The following ZNF317 variants were observed in gnomAD, a reference collection of about 807,000 sequenced individuals.
The protein encoded by ZNF317 is zinc finger protein 317.
A neutral mutation model predicts 23.4 loss-of-function variants in ZNF317; 17 were observed. That is an observed-to-expected ratio of 0.73 (90% CI 0.50 to 1.09). The LOEUF is 1.09. Ranked by LOEUF, ZNF317 falls within the 50% of genes least tolerant of loss-of-function variation. The probability of loss-of-function intolerance (pLI) is 0.00; values close to 1 mark genes in which losing one functional copy is unlikely to be tolerated. For missense variants in ZNF317, 679 were observed against 796.7 expected, an observed-to-expected ratio of 0.85 and a Z score of 1.78; for synonymous variants, 317 against 314.9, an observed-to-expected ratio of 1.01 and a Z score of -0.07.
intron 2 of ZNF317, 96 bp from the exon 3 acceptor site, chr19:9,156,516 A>G: frequency 1.4e-6 from 2 of 1,459,092 alleles, no homozygotes; most frequent in Non-Finnish European, 9.2e-7. Flanking sequence ...GGATGTGAAC[A>G]CTCAGAATCA....
chr19:9,157,332 C>A lies in ZNF317; in HGVS notation c.227C>A (p.Ser76Tyr). 3.1e-6 allele frequency: 5 copies of A among 1,614,014 alleles called. No homozygotes were observed. Among genetic ancestry groups the A allele is most frequent in the South Asian group, 1.1e-5 (1 of 91,050 alleles). Reference sequence around the variant, plus strand: ...GAGAAGGAGTGGCCCTTGCTGGATTCTTCTCAGAGAAAACTGTACAAAGAT... The same window carrying A: ...GAGAAGGAGTGGCCCTTGCTGGATTATTCTCAGAGAAAACTGTACAAAGAT... ...FTEKEWPLLD[S>Y]SQRKLYKDVM... Residue 76 changes from serine to tyrosine, a missense_variant, in exon 4 of 7, where the codon TCT becomes TAT. Coordinates refer to ENST00000247956, the MANE Select transcript of ZNF317 (RefSeq NM_020933.5).
intron 1 of ZNF317, among the ~76,000 whole-genome samples, chr19:9,153,355 G>A (rs1395335972): frequency 6.6e-6 from 1 of 152,096 alleles, no homozygotes; most frequent in Non-Finnish European, 1.5e-5. Context: ...TAGAGACGGG[G>A]TTTCTCCATG....
At chr19:9,150,355 G>A (rs1428313512) in intron 1 of ZNF317, among the ~76,000 whole-genome samples, 6 of 152,222 alleles carry the variant, frequency 3.9e-5, no homozygotes. Flanking sequence ...ACATAACCCA[G>A]TGTTAAAGTC....
intron 1 of ZNF317, among the ~76,000 whole-genome samples, chr19:9,140,960 A>G (rs2050623819): frequency 6.6e-6 from 1 of 152,074 alleles, no homozygotes; most frequent in Non-Finnish European, 1.5e-5. Flanking sequence ...GCTGTAGTCA[A>G]TTTTATCTCG....
At chr19:9,152,032 G>A (rs1011512032) in intron 1 of ZNF317, among the ~76,000 whole-genome samples, 5 of 150,710 alleles carry the variant, frequency 3.3e-5, no homozygotes, top group Admixed American at 6.6e-5. Flanking sequence ...TCAGCCTCCC[G>A]AGTAGCTGGG....
At chr19:9,154,544 T>G (rs1226727685) in intron 1 of ZNF317, among the ~76,000 whole-genome samples, 4 of 152,218 alleles carry the variant, frequency 2.6e-5, no homozygotes, top group Admixed American at 6.5e-5. Flanking sequence ...CCATGTAGTG[T>G]GTCTGCATAG....
chr19:9,160,699 C>T lies in ZNF317; in HGVS notation c.1054C>T (p.His352Tyr), dbSNP rs1423018850. ...CCAGCACCCCTCCCACCTCAAAGAG[C>T]ACGTGAGGAATCACACGGGGGAGAA... is the stretch of plus-strand genomic sequence containing the variant. ...AFQHPSHLKEHVRNHTGEKPY... is the reference protein window; with the variant it reads ...AFQHPSHLKEYVRNHTGEKPY... Residue 352 changes from histidine to tyrosine, a missense_variant, in exon 7 of 7, where the codon CAC becomes TAC. By Grantham distance (83) the His-to-Tyr change is moderately conservative. Coordinates refer to ENST00000247956, the MANE Select transcript of ZNF317 (RefSeq NM_020933.5). The surrounding 1 kb of genome is among the most constrained non-coding windows in gnomAD (Gnocchi z 6.8). The T allele has an allele frequency of 2.5e-6, 4 of 1,614,194 alleles. No homozygotes were observed. The highest frequency in any genetic ancestry group is 3.4e-6 in the Non-Finnish European group (4 of 1,180,046).
In ZNF317 at chr19:9,160,593, C is replaced by T. The variant is rs1224243707; in HGVS notation, c.948C>T (p.Gly316=). 2 of 1,613,998 alleles carry T rather than the reference C, an allele frequency of 1.2e-6. No individual in the cohort carries two copies. Among genetic ancestry groups the T allele is most frequent in the Non-Finnish European group, 8.5e-7 (1 of 1,180,014 alleles). Residue 316 remains glycine, a synonymous_variant, in exon 7 of 7, where the codon GGC becomes GGT. Coordinates refer to ENST00000247956, the MANE Select transcript of ZNF317 (RefSeq NM_020933.5). This position sits in a 1 kb window ranked among gnomAD's most constrained non-coding sequence, Gnocchi z 6.8. ...YKCDQCGKAY[G]RSCHLIAHKR... is the part of the protein sequence containing the mutation. ...GTGATCAGTGCGGGAAGGCTTACGG[C>T]CGGAGCTGCCACCTCATCGCACACA...
intron 2 of ZNF317, 117 bp downstream of exon 2, chr19:9,156,158 A>G (rs1600228464): frequency 7.4e-7 from 1 of 1,359,938 alleles, no homozygotes; most frequent in African/African-American, 1.4e-5. Flanking sequence ...GGGCAAGTGG[A>G]AAAGGGGTGG....
chr19:9,158,893 C>T lies in ZNF317; in HGVS notation c.453C>T (p.Pro151=). 1 of 1,610,988 alleles carries T rather than the reference C, an allele frequency of 6.2e-7. No homozygotes were observed. Among genetic ancestry groups the T allele is most frequent in the African/African-American group, 1.3e-5 (1 of 74,958 alleles). Residue 151 remains proline (P), a synonymous_variant, in exon 6 of 7, where the codon CCC becomes CCT. Transcript: ENST00000247956. ...LMEDIFGKET[P]SGVTMERAGL... Reference sequence around the variant, plus strand: ...AAGATATTTTTGGGAAGGAAACGCCCAGTGGTGTGACGATGGTAAGATTTC... The same window carrying T: ...AAGATATTTTTGGGAAGGAAACGCCTAGTGGTGTGACGATGGTAAGATTTC...
intron 1 of ZNF317, among the ~76,000 whole-genome samples, chr19:9,147,050 C>T (rs763301839): frequency 2.3e-4 from 35 of 152,104 alleles, no homozygotes; most frequent in Admixed American, 3.9e-4. Context: ...GGGAGCCACT[C>T]GCTCTGAGCC....
intron 2 of ZNF317, 45 bp downstream of exon 2, chr19:9,156,086 T>G (rs1313038629): frequency 6.2e-7 from 1 of 1,612,268 alleles, no homozygotes; most frequent in Non-Finnish European, 8.5e-7. Flanking sequence ...TGAGTGCAAG[T>G]GGCCCCTGCC....
At chr19:9,157,680 T>G in intron 4 of ZNF317, 1 of 508,162 alleles carries the variant, frequency 2.0e-6, no homozygotes, top group Non-Finnish European at 2.7e-6. Context: ...ATTTCCTATT[T>G]CTTTTTTTTT....
intron 1 of ZNF317, among the ~76,000 whole-genome samples, chr19:9,143,108 T>C (rs1190907460): frequency 1.3e-5 from 2 of 152,202 alleles, no homozygotes; most frequent in Non-Finnish European, 2.9e-5. Context: ...TGTGTTGTTA[T>C]GATGAGTAAA....
At chr19:9,149,908 A>C (rs73922950) in intron 1 of ZNF317, among the ~76,000 whole-genome samples, 1,663 of 152,344 alleles carry the variant, frequency 0.011, 28 homozygotes, top group African/African-American at 0.037. Flanking sequence ...ATGCCAAGGC[A>C]GTAGCAGTGT....
intron 1 of ZNF317, among the ~76,000 whole-genome samples, chr19:9,154,053 G>GTA (rs1568313160): frequency 6.6e-6 from 1 of 152,064 alleles, no homozygotes; most frequent in African/African-American, 2.4e-5. Flanking sequence ...AGGAGAGCCA[G>GTA]GTAGTGCGAG....
chr19:9,151,615 A>C (rs1335087538), intron 1 of ZNF317, among the ~76,000 whole-genome samples: 1 of 151,938 alleles, frequency 6.6e-6, no homozygotes, highest in Non-Finnish European at 1.5e-5. Context: ...TCACCAATGT[A>C]TTGTGGTTTT....
intron 1 of ZNF317, among the ~76,000 whole-genome samples, chr19:9,143,983 TTTTC>T (rs150533419): frequency 0.06 from 8,371 of 140,272 alleles, 263 homozygotes; most frequent in South Asian, 0.072. Flanking sequence ...TTGTACTCTT[TTTTC>T]TTTCTTTCTT....
rs113562264 is a variant in ZNF317, at chr19:9,155,945, G to C, written c.-72G>C. The C allele has an allele frequency of 1.3e-6, 2 of 1,594,344 alleles. No homozygotes were observed. The highest frequency in any genetic ancestry group is 1.7e-6 in the Non-Finnish European group (2 of 1,162,156). On this transcript the variant is annotated 5_prime_UTR_variant, in exon 2 of 7. Coordinates refer to ENST00000247956, the MANE Select transcript of ZNF317 (RefSeq NM_020933.5). Reference sequence around the variant, plus strand: ...TACAGATGCCAGCTTGGAGAGTCACGTGAGAGCAAGAGAGTAGCTTTCTGG... The same window carrying C: ...TACAGATGCCAGCTTGGAGAGTCACCTGAGAGCAAGAGAGTAGCTTTCTGG...
Sources: gnomAD v4.1 joint callset for allele counts (sites outside exome capture counted in the v4.1 genomes callset) on GRCh38, gnomAD v4.1.1 for gene constraint, Gnocchi (gnomAD v3.1) non-coding constraint, MANE v1.5 for transcripts, NCBI Gene and HGNC (gene_info 2026-07-23, HGNC 2026-07-21) for gene names.